ROBO2: variants seen among roughly 807,000 people sequenced by gnomAD.
The protein encoded by ROBO2 is roundabout guidance receptor 2.
In ROBO2, 53 loss-of-function variants were observed where a neutral mutation model predicts 160.8. The ratio of observed to expected loss-of-function variants is 0.33; its 90% CI spans 0.26 to 0.41. ROBO2 has a LOEUF of 0.41. Among genes scored for constraint, ROBO2 ranks in the 10% least tolerant of loss-of-function variants. The probability of loss-of-function intolerance (pLI) is 1.00; values close to 1 mark genes in which losing one functional copy is unlikely to be tolerated. For synonymous variants in ROBO2, 664 were observed against 611.7 expected, an observed-to-expected ratio of 1.09 and a Z score of -1.26; for missense variants, 1,577 against 1,722.4, an observed-to-expected ratio of 0.92 and a Z score of 1.49.
chr3:77,063,828 A>G (rs1363451914), intron 1 of ROBO2, among the ~76,000 whole-genome samples: 2 of 152,194 alleles, frequency 1.3e-5, no homozygotes, highest in Non-Finnish European at 2.9e-5. Context: ...TGACTTCATC[A>G]ATAGAGGGTG....
intron 2 of ROBO2, among the ~76,000 whole-genome samples, chr3:76,951,755 G>A (rs1180552675): frequency 6.6e-6 from 1 of 152,126 alleles, no homozygotes; most frequent in Non-Finnish European, 1.5e-5. Flanking sequence ...ACCCCGCCAT[G>A]AGATTTGAGC....
intron 2 of ROBO2, among the ~76,000 whole-genome samples, chr3:76,615,344 G>T (rs2088496544): frequency 6.6e-6 from 1 of 152,070 alleles, no homozygotes; most frequent in African/African-American, 2.4e-5. Context: ...CAGTGTTCTG[G>T]TCACTACTGC....
intron 2 of ROBO2, among the ~76,000 whole-genome samples, chr3:76,067,132 T>C (rs1024559499): frequency 3.3e-5 from 5 of 152,268 alleles, no homozygotes; most frequent in Middle Eastern, 3.4e-3. Flanking sequence ...TGGAGTCGGC[T>C]TTTTTGGTTT....
chr3:77,183,254 C>T (rs1368409793), intron 2 of ROBO2, among the ~76,000 whole-genome samples: 1 of 152,050 alleles, frequency 6.6e-6, no homozygotes, highest in Non-Finnish European at 1.5e-5. Flanking sequence ...TCCACATTCT[C>T]CAATGTTGCT....
At position 76,556,440 on chromosome 3, in the gene ROBO2, T is replaced by C. The variant is rs145949843; in HGVS notation, c.110-541574T>C. On this transcript the variant is annotated intron_variant, in intron 2 of 26. Coordinates refer to the ROBO2 transcript ENST00000487694. ...CATAAAGAGTGGAGGTTGTACTTTTTAAGGGAGGAGAGGCAAAATATATGT... is the reference window on the plus strand; with the variant it reads ...CATAAAGAGTGGAGGTTGTACTTTTCAAGGGAGGAGAGGCAAAATATATGT... Among the ~76,000 whole-genome samples the C allele has an allele frequency of 2.1e-3, 322 of 152,290 alleles. 1 individual carries two copies. The highest frequency in any genetic ancestry group is 7.0e-3 in the African/African-American group (292 of 41,576).
chr3:76,098,772 T>C (rs1324355277), intron 2 of ROBO2, among the ~76,000 whole-genome samples: 1 of 152,148 alleles, frequency 6.6e-6, no homozygotes, highest in Non-Finnish European at 1.5e-5. Context: ...GTTGTGGCCA[T>C]GAGTTCATTA....
chr3:77,260,406 A>C (rs2058699553), intron 2 of ROBO2, among the ~76,000 whole-genome samples: 1 of 152,158 alleles, frequency 6.6e-6, no homozygotes, highest in Non-Finnish European at 1.5e-5. Context: ...AAACTTAAAA[A>C]AATAGTTTAT....
chr3:76,256,349 C>G (rs1029927109), intron 2 of ROBO2, among the ~76,000 whole-genome samples: 41 of 83,078 alleles, frequency 4.9e-4, no homozygotes, highest in Middle Eastern at 6.0e-3. Flanking sequence ...CTCTCTCTCT[C>G]TCTCACATAC....
At chr3:76,551,660 C>T in intron 2 of ROBO2, among the ~76,000 whole-genome samples, 1 of 152,258 alleles carries the variant, frequency 6.6e-6, no homozygotes, top group Non-Finnish European at 1.5e-5. Context: ...TTGTGACACC[C>T]TCTTGGGGCT....
At chr3:76,893,077 C>T (rs957084032) in intron 2 of ROBO2, among the ~76,000 whole-genome samples, 3 of 152,066 alleles carry the variant, frequency 2.0e-5, no homozygotes, top group African/African-American at 7.2e-5. Flanking sequence ...CATCCCATAG[C>T]CTAGAATAAT....
chr3:76,008,882 G>T (rs1225069783), intron 2 of ROBO2, among the ~76,000 whole-genome samples: 1 of 152,086 alleles, frequency 6.6e-6, no homozygotes, highest in Non-Finnish European at 1.5e-5. Flanking sequence ...AAAGAAACGG[G>T]GAAATCTATG....
chr3:76,091,048 T>C (rs1164086923), intron 2 of ROBO2, among the ~76,000 whole-genome samples: 1 of 152,194 alleles, frequency 6.6e-6, no homozygotes, highest in East Asian at 1.9e-4. Context: ...AATGACTTTT[T>C]AGAAACAGCT....
intron 2 of ROBO2, among the ~76,000 whole-genome samples, chr3:76,005,980 T>C (rs2066010485): frequency 6.6e-6 from 1 of 152,208 alleles, no homozygotes; most frequent in South Asian, 2.1e-4. Context: ...ACTCCCAGAC[T>C]TAAAAATCTG....
chr3:76,593,603 A>G (rs1243685307), intron 2 of ROBO2, among the ~76,000 whole-genome samples: 1 of 152,078 alleles, frequency 6.6e-6, no homozygotes, highest in African/African-American at 2.4e-5. Context: ...AAGTGTTTCC[A>G]TCATGATTTT....
chr3:77,186,127 A>G (rs1367655147), intron 2 of ROBO2, among the ~76,000 whole-genome samples: 5 of 151,974 alleles, frequency 3.3e-5, no homozygotes, highest in African/African-American at 1.2e-4. Flanking sequence ...ATCACCGTGA[A>G]ATAACTTGCT....
chr3:76,214,157 C>A (rs545583673), intron 2 of ROBO2, among the ~76,000 whole-genome samples: 1 of 152,152 alleles, frequency 6.6e-6, no homozygotes, highest in South Asian at 2.1e-4. Context: ...ACTATACTTG[C>A]TCTTCAAATA....
chr3:76,864,452 C>T (rs2071141272), intron 2 of ROBO2, among the ~76,000 whole-genome samples: 1 of 151,970 alleles, frequency 6.6e-6, no homozygotes, highest in African/African-American at 2.4e-5. Flanking sequence ...AGAATCCCAT[C>T]GTTTCTGCAT....
At position 77,174,330 on chromosome 3, in the gene ROBO2, A is replaced by G. The variant is rs547669959; in HGVS notation, c.388+75990A>G. On this transcript the variant is annotated intron_variant, in intron 2 of 25. Coordinates refer to ENST00000461745, the Ensembl canonical transcript of ROBO2. ...AAAATGTTTTGAGATTTTAGAATATATAAATCACTCATGCAAAAAAAAAAG... is the reference window on the plus strand; with the variant it reads ...AAAATGTTTTGAGATTTTAGAATATGTAAATCACTCATGCAAAAAAAAAAG... 5.3e-5 allele frequency among the ~76,000 whole-genome samples: 8 copies of G among 152,060 alleles called. No homozygotes were observed. The South Asian group carries it at 1.7e-3, about 32-fold the overall frequency.
At chr3:76,391,600 C>T (rs989580353) in intron 2 of ROBO2, among the ~76,000 whole-genome samples, 2 of 151,948 alleles carry the variant, frequency 1.3e-5, no homozygotes, top group Admixed American at 6.6e-5. Flanking sequence ...TGGTTCACTG[C>T]AGCCTCCGCC....
Sources: allele counts gnomAD v4.1 joint callset (sites outside exome capture counted in the v4.1 genomes callset), GRCh38; gene constraint gnomAD v4.1.1; transcripts MANE v1.5; gene names NCBI Gene and HGNC (gene_info 2026-07-23, HGNC 2026-07-21).